SLC24A3: variants seen among roughly 807,000 people sequenced by gnomAD.
SLC24A3 encodes the protein solute carrier family 24 member 3.
Under a neutral mutation model 75.8 loss-of-function variants are expected in SLC24A3, and 28 were observed. The ratio of observed to expected loss-of-function variants is 0.37; its 90% CI spans 0.27 to 0.51. The LOEUF (loss-of-function observed/expected upper bound fraction) is 0.51. Among genes scored for constraint, SLC24A3 ranks in the 20% least tolerant of loss-of-function variants. The probability of loss-of-function intolerance (pLI) is 0.94; values close to 1 mark genes in which losing one functional copy is unlikely to be tolerated. For missense variants in SLC24A3, 663 were observed against 847.8 expected (o/e 0.78, Z 2.71); for synonymous variants, 372 against 334.1 (o/e 1.11, Z -1.24).
At chr20:19,522,555 G>A (rs1434032041) in intron 3 of SLC24A3, among the ~76,000 whole-genome samples, 2 of 152,350 alleles carry the variant, frequency 1.3e-5, no homozygotes, top group East Asian at 1.9e-4. Flanking sequence ...TGCTCCGTCA[G>A]TGTTAAGGTT....
chr20:19,479,289 A>G (rs574434525), intron 2 of SLC24A3, among the ~76,000 whole-genome samples: 64 of 152,348 alleles, frequency 4.2e-4, no homozygotes, highest in Non-Finnish European at 7.9e-4. Context: ...CTCATTGCCC[A>G]TCTTCCACTT....
intron 15 of SLC24A3, among the ~76,000 whole-genome samples, chr20:19,701,321 C>T (rs2032869568): frequency 6.6e-6 from 1 of 151,142 alleles, no homozygotes; most frequent in Non-Finnish European, 1.5e-5. Flanking sequence ...GCATGAATAA[C>T]CTCGTAATTT....
intron 3 of SLC24A3, among the ~76,000 whole-genome samples, chr20:19,538,241 T>C (rs2030435479): frequency 6.6e-6 from 1 of 152,120 alleles, no homozygotes; most frequent in African/African-American, 2.4e-5. Context: ...CACTGGCTTG[T>C]GTAGAAACAT....
chr20:19,616,184 A>G (rs1341791076), intron 6 of SLC24A3, among the ~76,000 whole-genome samples: 1 of 152,218 alleles, frequency 6.6e-6, no homozygotes. Flanking sequence ...CCAAACTGCC[A>G]GGAATGTATA....
chr20:19,663,105 C>T (rs903158390), intron 7 of SLC24A3, among the ~76,000 whole-genome samples: 1 of 152,014 alleles, frequency 6.6e-6, no homozygotes, highest in Non-Finnish European at 1.5e-5. Context: ...GTCTTGCTGT[C>T]TCCCCAAGGC....
intron 6 of SLC24A3, among the ~76,000 whole-genome samples, chr20:19,602,209 T>C (rs993724627): frequency 6.6e-6 from 1 of 152,180 alleles, no homozygotes; most frequent in African/African-American, 2.4e-5. Flanking sequence ...TTATTGTTAT[T>C]CCTAACATGT....
In SLC24A3 at chr20:19,470,144, G is replaced by A. The variant is rs554510975; in HGVS notation, c.272-45344G>A. Among the ~76,000 whole-genome samples the A allele has an allele frequency of 4.6e-5, 7 of 152,242 alleles. No individual in the cohort carries two copies. In the South Asian group the frequency reaches 6.2e-4, roughly 14 times the overall value. On this transcript the variant is annotated intron_variant, in intron 2 of 16. Transcript: ENST00000328041. ...TTCAGCTCTGCCTGTCTTGTCAGCC[G>A]GTTAGAGATTTACACTGGAGACCAA...
intron 1 of SLC24A3, among the ~76,000 whole-genome samples, chr20:19,253,696 T>C (rs779683594): frequency 6.6e-6 from 1 of 152,158 alleles, no homozygotes; most frequent in Non-Finnish European, 1.5e-5. Context: ...CATGAGAACC[T>C]ATTGTGGGCC....
intron 2 of SLC24A3, among the ~76,000 whole-genome samples, chr20:19,336,772 G>C (rs115882743): frequency 1.3e-5 from 2 of 149,846 alleles, no homozygotes; most frequent in African/African-American, 4.9e-5. Context: ...CTTCCTGTTG[G>C]CACAGAGAGC....
intron 2 of SLC24A3, among the ~76,000 whole-genome samples, chr20:19,322,350 TTTCCTTCCTTCCTTCCC>T (rs1255415642): frequency 0.1 from 11,822 of 113,994 alleles, 894 homozygotes; most frequent in African/African-American, 0.24. Flanking sequence ...TTGAGCCTTC[TTTCCTTCCTTCCTTCCC>T]TTCCTTCCTT....
intron 2 of SLC24A3, among the ~76,000 whole-genome samples, chr20:19,336,010 A>G (rs979350298): frequency 2.0e-5 from 3 of 152,244 alleles, no homozygotes; most frequent in African/African-American, 7.2e-5. Flanking sequence ...TTGCAAGTCC[A>G]TCAAGATGAA....
At chr20:19,624,986 C>T (rs572189451) in intron 6 of SLC24A3, among the ~76,000 whole-genome samples, 1 of 152,248 alleles carries the variant, frequency 6.6e-6, no homozygotes, top group Non-Finnish European at 1.5e-5. Flanking sequence ...CTGATCCTGG[C>T]TGGGTTTGTT....
intron 2 of SLC24A3, among the ~76,000 whole-genome samples, chr20:19,413,750 C>A (rs1217790353): frequency 1.3e-5 from 2 of 152,156 alleles, no homozygotes; most frequent in African/African-American, 4.8e-5. Flanking sequence ...ATATTTTAGT[C>A]AAGCTCTTTG....
chr20:19,453,362 A>C (rs1055154882), intron 2 of SLC24A3, among the ~76,000 whole-genome samples: 1 of 152,134 alleles, frequency 6.6e-6, no homozygotes, highest in East Asian at 1.9e-4. Flanking sequence ...CCCTCAAAAA[A>C]AGTGTGATTT....
intron 6 of SLC24A3, among the ~76,000 whole-genome samples, chr20:19,629,989 C>T (rs910833886): frequency 3.9e-5 from 6 of 152,166 alleles, no homozygotes; most frequent in African/African-American, 1.4e-4. Context: ...TAAATACATA[C>T]ACAAGTATAG....
At position 19,409,255 on chromosome 20, in the gene SLC24A3, G is replaced by C. The variant is rs146104378; in HGVS notation, c.272-106233G>C. On this transcript the variant is annotated intron_variant, in intron 2 of 16. Coordinates refer to ENST00000328041, the MANE Select transcript of SLC24A3 (RefSeq NM_020689.4). ...CCCTTCCCAGGAAGAGGCGCAGCAG[G>C]AGCAGAGGCCCTGCAGGGGACCTCT... 1.8e-4 allele frequency among the ~76,000 whole-genome samples: 27 copies of C among 152,258 alleles called. No homozygotes were observed. In the East Asian group the frequency reaches 4.8e-3, roughly 27 times the overall value.
chr20:19,353,925 C>T (rs991221826), intron 2 of SLC24A3, among the ~76,000 whole-genome samples: 1 of 152,270 alleles, frequency 6.6e-6, no homozygotes, highest in Admixed American at 6.5e-5. Context: ...TCTTATAAGA[C>T]ATATGAACCA....
chr20:19,508,092 C>T (rs4813360), intron 2 of SLC24A3, among the ~76,000 whole-genome samples: 32,666 of 152,092 alleles, frequency 0.21, 3,993 homozygotes, highest in East Asian at 0.5. Flanking sequence ...GAAAGAGAGG[C>T]AGGGAAGGCT....
At chr20:19,457,330 A>C (rs1182674681) in intron 2 of SLC24A3, among the ~76,000 whole-genome samples, 7 of 152,212 alleles carry the variant, frequency 4.6e-5, no homozygotes, top group Non-Finnish European at 1.5e-5. Context: ...CTGTAACTTT[A>C]AAATGAAGGA....
Sources: gnomAD v4.1 joint callset for allele counts (sites outside exome capture counted in the v4.1 genomes callset) on GRCh38, gnomAD v4.1.1 for gene constraint, MANE v1.5 for transcripts, NCBI Gene and HGNC (gene_info 2026-07-23, HGNC 2026-07-21) for gene names.